ANGPT1: variants seen among roughly 807,000 people sequenced by gnomAD.
The protein encoded by ANGPT1 is angiopoietin-1.
A neutral mutation model predicts 62.2 loss-of-function variants in ANGPT1; 17 were observed. The ratio of observed to expected loss-of-function variants is 0.27; its 90% CI spans 0.19 to 0.41. The LOEUF is 0.41. Ranked by LOEUF, ANGPT1 falls within the 10% of genes least tolerant of loss-of-function variation. The probability of loss-of-function intolerance (pLI) is 1.00; values close to 1 mark genes in which losing one functional copy is unlikely to be tolerated. For missense variants in ANGPT1, 478 were observed against 594.9 expected (o/e 0.80, Z 2.04); for synonymous variants, 199 against 198.9 (o/e 1.00, Z 0.00).
intron 1 of ANGPT1, among the ~76,000 whole-genome samples, chr8:107,487,538 A>T (rs530276712): frequency 1.4e-4 from 21 of 144,894 alleles, no homozygotes; most frequent in Non-Finnish European, 2.3e-4. Flanking sequence ...GCCGTGCGTC[A>T]TTCATCTGCT....
chr8:107,392,379 C>T (rs576066228), intron 1 of ANGPT1, among the ~76,000 whole-genome samples: 197 of 152,046 alleles, frequency 1.3e-3, no homozygotes, highest in Non-Finnish European at 2.4e-3. Context: ...AAAGTTTTGT[C>T]GATCTGGTAG....
intron 1 of ANGPT1, among the ~76,000 whole-genome samples, chr8:107,373,739 C>A (rs1213012031): frequency 6.6e-6 from 1 of 152,210 alleles, no homozygotes; most frequent in Admixed American, 6.5e-5. Context: ...AAGTGCCTCA[C>A]TTTCCCTTCA....
intron 1 of ANGPT1, among the ~76,000 whole-genome samples, chr8:107,351,464 G>A (rs1051076499): frequency 2.0e-5 from 3 of 151,934 alleles, no homozygotes; most frequent in African/African-American, 7.2e-5. Flanking sequence ...TCAGAGTTGC[G>A]GGAAGTGTTC....
intron 1 of ANGPT1, among the ~76,000 whole-genome samples, chr8:107,366,229 A>G (rs1468048216): frequency 1.3e-5 from 2 of 152,222 alleles, no homozygotes; most frequent in Non-Finnish European, 2.9e-5. Context: ...TACTAAATCT[A>G]CTTCATGGAC....
intron 3 of ANGPT1, among the ~76,000 whole-genome samples, chr8:107,330,138 A>G (rs1208020249): frequency 2.6e-5 from 4 of 152,204 alleles, no homozygotes; most frequent in Non-Finnish European, 4.4e-5. Context: ...TCATGTGTTC[A>G]GTGTCATACT....
intron 1 of ANGPT1, among the ~76,000 whole-genome samples, chr8:107,384,674 G>A (rs1322906922): frequency 6.6e-6 from 1 of 152,074 alleles, no homozygotes; most frequent in Non-Finnish European, 1.5e-5. Context: ...AATGCTTTTG[G>A]AGTCTTCCTC....
intron 1 of ANGPT1, among the ~76,000 whole-genome samples, chr8:107,477,213 A>G (rs1264095260): frequency 6.6e-6 from 1 of 152,156 alleles, no homozygotes; most frequent in Non-Finnish European, 1.5e-5. Flanking sequence ...CCCTGCAGTC[A>G]TATGTCCATT....
chr8:107,305,375 T>C (rs1298489475), intron 4 of ANGPT1, among the ~76,000 whole-genome samples: 1 of 151,948 alleles, frequency 6.6e-6, no homozygotes, highest in Non-Finnish European at 1.5e-5. Flanking sequence ...CTCCCTTTTT[T>C]AGTTATGTAT....
At chr8:107,488,752 T>C (rs929190653) in intron 1 of ANGPT1, among the ~76,000 whole-genome samples, 1 of 152,184 alleles carries the variant, frequency 6.6e-6, no homozygotes, top group African/African-American at 2.4e-5. Context: ...TCACCCCTTA[T>C]ATCTGTGCAA....
chr8:107,385,944 A>T (rs1464404328), intron 1 of ANGPT1, among the ~76,000 whole-genome samples: 1 of 152,074 alleles, frequency 6.6e-6, no homozygotes, highest in South Asian at 2.1e-4. Flanking sequence ...ATTGATTTGC[A>T]TATGTTAAAC....
intron 4 of ANGPT1, among the ~76,000 whole-genome samples, chr8:107,313,835 G>C (rs115800207): frequency 2.9e-3 from 438 of 152,250 alleles, no homozygotes; most frequent in African/African-American, 0.01. Flanking sequence ...TTAAAGCTAA[G>C]TGTACAGTTG....
intron 1 of ANGPT1, among the ~76,000 whole-genome samples, chr8:107,353,646 A>C (rs1487223539): frequency 6.6e-6 from 1 of 152,086 alleles, no homozygotes; most frequent in Admixed American, 6.5e-5. Context: ...CACACATGGC[A>C]AAAAACAGAA....
Position 107,336,152 on chromosome 8 carries a change from G to GT in ANGPT1, c.572dup (p.Asn191LysfsTer7), listed in dbSNP as rs777650478. 1.9e-6 allele frequency: 3 copies of GT among 1,600,230 alleles called. No homozygotes were observed. Among genetic ancestry groups the GT allele is most frequent in the Admixed American group, 3.6e-5 (2 of 56,258 alleles). On this transcript the variant is annotated frameshift_variant, in exon 3 of 9. Transcript: ENST00000517746. LOFTEE classifies it high-confidence loss of function. Reference sequence around the variant, plus strand: ...TTTTGGAATAAAGCAATCCTCACCTGTTTTTTTCATGGATCTTCAAGATTT... The same window carrying GT: ...TTTTGGAATAAAGCAATCCTCACCTGTTTTTTTTCATGGATCTTCAAGATTT...
At chr8:107,352,213 T>A (rs1815948234) in intron 1 of ANGPT1, among the ~76,000 whole-genome samples, 1 of 152,152 alleles carries the variant, frequency 6.6e-6, no homozygotes, top group South Asian at 2.1e-4. Flanking sequence ...AATGATGAGG[T>A]GAAACTTGTT....
intron 4 of ANGPT1, among the ~76,000 whole-genome samples, chr8:107,313,434 T>TTG (rs1295999703): frequency 1.0e-4 from 12 of 119,058 alleles, no homozygotes; most frequent in African/African-American, 3.9e-4. Flanking sequence ...TAGTTGTTTT[T>TTG]TTTTTTTTTT....
intron 1 of ANGPT1, among the ~76,000 whole-genome samples, chr8:107,361,440 A>AAG: frequency 6.7e-6 from 1 of 148,616 alleles, no homozygotes; most frequent in Admixed American, 6.8e-5. Flanking sequence ...ATATATATAG[A>AAG]ATATATATAG....
At position 107,257,881 on chromosome 8, in the gene ANGPT1, T is replaced by TG. The variant is rs1554576247; in HGVS notation, c.1337-5867_1337-5866insC. Among the ~76,000 whole-genome samples, 7 of 58,452 alleles carry TG rather than the reference T, an allele frequency of 1.2e-4. 1 individual carries two copies. The highest frequency in any genetic ancestry group is 4.0e-4 in the African/African-American group (7 of 17,328). The allele number at this position is 58,452 out of a possible 152,430, so 38.3% of individuals were successfully genotyped here. A position where few individuals can be genotyped will look rare whatever the true frequency, so the allele number is the denominator to read the frequency against. On this transcript the variant is annotated intron_variant, in intron 8 of 8. Transcript: ENST00000517746. ...CAGGCCAAGGACTTGTTTTTGTTTC[T>TG]TTTTTGTTTGTTTGTTTGTTTGTTT...
At chr8:107,466,495 G>T (rs1812201210) in intron 1 of ANGPT1, among the ~76,000 whole-genome samples, 1 of 152,022 alleles carries the variant, frequency 6.6e-6, no homozygotes, top group Non-Finnish European at 1.5e-5. Flanking sequence ...AACTTCACAG[G>T]CCTGGCCTAC....
At chr8:107,479,026 C>A (rs1024472400) in intron 1 of ANGPT1, among the ~76,000 whole-genome samples, 1 of 151,994 alleles carries the variant, frequency 6.6e-6, no homozygotes, top group African/African-American at 2.4e-5. Flanking sequence ...AAGACATGAT[C>A]TTTCGTCAGA....
Sources: gnomAD v4.1 joint callset for allele counts (sites outside exome capture counted in the v4.1 genomes callset) on GRCh38, gnomAD v4.1.1 for gene constraint, MANE v1.5 for transcripts, NCBI Gene and HGNC (gene_info 2026-07-23, HGNC 2026-07-21) for gene names.